EFCAB7: variants seen among roughly 807,000 people sequenced by gnomAD.
EFCAB7 encodes EF-hand calcium-binding domain-containing protein 7.
EFCAB7 carries 66 observed loss-of-function variants against 77.1 expected under a neutral mutation model. The ratio of observed to expected loss-of-function variants is 0.86; its 90% confidence interval spans 0.70 to 1.05. The LOEUF is 1.05. EFCAB7 is among the 50% of genes least tolerant of loss of function. EFCAB7 has a pLI of 0.00. For synonymous variants in EFCAB7, 225 were observed against 243.3 expected (o/e 0.92, Z 0.70); for missense variants, 638 against 730.5 (o/e 0.87, Z 1.46).
chr1:63,543,137 A>G (rs772961611), intron 6 of EFCAB7, among the ~76,000 whole-genome samples: 2 of 152,212 alleles, frequency 1.3e-5, no homozygotes, highest in South Asian at 2.1e-4. Flanking sequence ...TAAGAGCCCA[A>G]ATTTATTCTT....
intron 11 of EFCAB7, among the ~76,000 whole-genome samples, chr1:63,567,879 C>T (rs907574528): frequency 1.3e-5 from 2 of 152,148 alleles, no homozygotes; most frequent in Admixed American, 1.3e-4. Flanking sequence ...TGTTTTTAGA[C>T]TAAACGTTTA....
Position 63,531,903 on chromosome 1 carries a change from G to T in EFCAB7, c.271G>T (p.Asp91Tyr), listed in dbSNP as rs772241668. The change falls in exon 3 of 14, where the codon GAT becomes TAT. Residue 91 changes from aspartate (D) to tyrosine (Y), a missense_variant. Transcript: ENST00000371088. Reference sequence around the variant, plus strand: ...TCAAACTGCCAAACTGAATTTTGATGATTTTTGTATAATTTTAAGGAAGGA... The same window carrying T: ...TCAAACTGCCAAACTGAATTTTGATTATTTTTGTATAATTTTAAGGAAGGA... ...TPQTAKLNFD[D>Y]FCIILRKEKP... The T allele has an allele frequency of 6.2e-7, 1 of 1,613,214 alleles. No individual in the cohort carries two copies. Among genetic ancestry groups the T allele is most frequent in the Non-Finnish European group, 8.5e-7 (1 of 1,179,504 alleles).
At chr1:63,570,970 C>A in intron 12 of EFCAB7, 51 bp from the exon 13 acceptor site, 1 of 1,315,798 alleles carries the variant, frequency 7.6e-7, no homozygotes, top group Non-Finnish European at 1.1e-6. Context: ...TTATATTTGT[C>A]TGTAATTATT....
At chr1:63,581,546 C>T in the EFCAB7 span, among the ~76,000 whole-genome samples, 9 of 152,012 alleles carry the variant, frequency 5.9e-5, no homozygotes, top group African/African-American at 2.2e-4. Context: ...TTGAACCAGC[C>T]TTTCATTTCT....
In EFCAB7 at chr1:63,525,698, C is replaced by CTTCATATAAA; in HGVS notation, c.127_128insTCATATAAAT (p.Tyr43PhefsTer3). ...TATTTTATATGAATTGTAGAGCTGC[C>CTTCATATAAA]TACTTAACTGTCTTCAAAAGCAGCT... On this transcript the variant is annotated stop_gained and frameshift_variant, in exon 2 of 14. Coordinates refer to ENST00000371088, the MANE Select transcript of EFCAB7 (RefSeq NM_032437.4). LOFTEE classifies it high-confidence loss of function. 1 of 1,596,086 alleles carries CTTCATATAAA rather than the reference C, an allele frequency of 6.3e-7. No individual in the cohort carries two copies. Among genetic ancestry groups the CTTCATATAAA allele is most frequent in the Non-Finnish European group, 8.5e-7 (1 of 1,175,974 alleles).
chr1:63,573,340 A>C (rs1250060783), downstream of EFCAB7, among the ~76,000 whole-genome samples: 1 of 152,154 alleles, frequency 6.6e-6, no homozygotes, highest in African/African-American at 2.4e-5. Context: ...TTATAGAATT[A>C]TTGCTGATGG....
At chr1:63,543,427 A>G (rs1646853255) in intron 6 of EFCAB7, among the ~76,000 whole-genome samples, 1 of 152,198 alleles carries the variant, frequency 6.6e-6, no homozygotes, top group South Asian at 2.1e-4. Flanking sequence ...TATAAAATTA[A>G]TTTTTAAAAG....
intron 8 of EFCAB7, among the ~76,000 whole-genome samples, chr1:63,553,495 A>G (rs1414658558): frequency 6.6e-6 from 1 of 152,038 alleles, no homozygotes. Context: ...GTGTGCCACC[A>G]TGCCCAGCTA....
chr1:63,524,456 T>A (rs1646543203), intron 1 of EFCAB7, among the ~76,000 whole-genome samples: 1 of 152,212 alleles, frequency 6.6e-6, no homozygotes, highest in African/African-American at 2.4e-5. Flanking sequence ...AATTATTATC[T>A]TTCTTTCCCA....
At chr1:63,558,342 C>T (rs933676206) in intron 10 of EFCAB7, among the ~76,000 whole-genome samples, 1 of 152,184 alleles carries the variant, frequency 6.6e-6, no homozygotes, top group African/African-American at 2.4e-5. Flanking sequence ...TGACGGTTAA[C>T]ATTTTTTGAT....
At chr1:63,569,393 G>A (rs902920105) in intron 12 of EFCAB7, 7 of 152,134 alleles carry the variant, frequency 4.6e-5, no homozygotes, top group Non-Finnish European at 7.4e-5. Context: ...ATAATTAAAC[G>A]TTACATAATG....
intron 7 of EFCAB7, chr1:63,547,142 A>G (rs1015446535): frequency 5.3e-5 from 8 of 152,212 alleles, no homozygotes; most frequent in African/African-American, 1.9e-4. Flanking sequence ...ATACTTTTAA[A>G]TGACAATAAC....
chr1:63,557,046 A>AG lies in EFCAB7; in HGVS notation c.1215-68_1215-67insG. On this transcript the variant is annotated intron_variant, in intron 9 of 13. Coordinates refer to ENST00000371088, the MANE Select transcript of EFCAB7 (RefSeq NM_032437.4). ...GAGTGAGACTCCGTCTCAAAAAAAA[A>AG]AAAAAAACCCTTCTTCAGCGTAGTT... The AG allele has an allele frequency of 2.9e-6, 4 of 1,378,152 alleles. No homozygotes were observed. The East Asian group carries it at 1.1e-4, about 37-fold the overall frequency. The allele number at this position is 1,378,152 out of a possible 1,614,324, so 85.4% of individuals were successfully genotyped here.
the EFCAB7 span, among the ~76,000 whole-genome samples, chr1:63,581,577 G>A: frequency 1.3e-5 from 2 of 151,974 alleles, no homozygotes; most frequent in African/African-American, 4.8e-5. Flanking sequence ...CCACTTAATT[G>A]TGATATGTTA....
chr1:63,536,572 G>A (rs1353508056), intron 6 of EFCAB7: 1 of 152,026 alleles, frequency 6.6e-6, no homozygotes. Context: ...GTGGAGACGA[G>A]GTTTCACCAT....
intron 11 of EFCAB7, among the ~76,000 whole-genome samples, chr1:63,565,912 A>C (rs1199189581): frequency 1.3e-5 from 2 of 152,264 alleles, no homozygotes; most frequent in South Asian, 2.1e-4. Context: ...GGGAGTGTAC[A>C]TGAGTTCAAC....
chr1:63,561,161 G>A (rs193199520), intron 10 of EFCAB7, among the ~76,000 whole-genome samples: 18 of 152,264 alleles, frequency 1.2e-4, no homozygotes, highest in Admixed American at 9.8e-4. Flanking sequence ...GGATTCCAAA[G>A]TGCTCCCCAT....
At chr1:63,563,757 C>G (rs1220849600) in intron 11 of EFCAB7, among the ~76,000 whole-genome samples, 1 of 152,066 alleles carries the variant, frequency 6.6e-6, no homozygotes, top group Non-Finnish European at 1.5e-5. Flanking sequence ...ATTCTTATTA[C>G]TTATTTCTTT....
rs952614143 is a variant in EFCAB7, at chr1:63,557,836, C to T, written c.1348+589C>T. Among the ~76,000 whole-genome samples, 8 of 152,098 alleles carry T rather than the reference C, an allele frequency of 5.3e-5. No individual in the cohort carries two copies. The East Asian group carries it at 1.5e-3, about 29-fold the overall frequency. On this transcript the variant is annotated intron_variant, in intron 10 of 13. Transcript: ENST00000371088. ...ACTTGCATATTTAAGCCAAAGACCCCAAGGTCGAGGGAAAACCAAAAAGCC... is the reference window on the plus strand; with the variant it reads ...ACTTGCATATTTAAGCCAAAGACCCTAAGGTCGAGGGAAAACCAAAAAGCC...
Sources: allele counts gnomAD v4.1 joint callset (sites outside exome capture counted in the v4.1 genomes callset), GRCh38; gene constraint gnomAD v4.1.1; transcripts MANE v1.5; gene names NCBI Gene and HGNC (gene_info 2026-07-23, HGNC 2026-07-21).